ADGRL2: variants seen among roughly 807,000 people sequenced by gnomAD.
The protein encoded by ADGRL2 is adhesion G protein-coupled receptor L2.
In ADGRL2, 44 loss-of-function variants were observed where a neutral mutation model predicts 157.4. The observed-to-expected ratio is 0.28, with a 90% CI of 0.22 to 0.36. The LOEUF is 0.36. Among genes scored for constraint, ADGRL2 ranks in the 10% least tolerant of loss-of-function variants. The pLI is 1.00. For synonymous variants in ADGRL2, 585 were observed against 624.7 expected, an observed-to-expected ratio of 0.94 and a Z score of 0.95; for missense variants, 1,510 against 1,768.9, an observed-to-expected ratio of 0.85 and a Z score of 2.63.
At chr1:81,543,883 T>G (rs375569786) in intron 2 of ADGRL2, among the ~76,000 whole-genome samples, 97 of 152,314 alleles carry the variant, frequency 6.4e-4, no homozygotes, top group African/African-American at 2.0e-3. Context: ...ATACGTCTGT[T>G]GAAAGTTTCT....
At chr1:81,578,904 A>G (rs2080850175) in intron 2 of ADGRL2, among the ~76,000 whole-genome samples, 1 of 152,144 alleles carries the variant, frequency 6.6e-6, no homozygotes, top group Non-Finnish European at 1.5e-5. Flanking sequence ...ACTTGAAGAG[A>G]GATGTTTTAG....
chr1:81,355,133 TGGTTG>T (rs1663184744), intron 1 of ADGRL2, among the ~76,000 whole-genome samples: 1 of 152,148 alleles, frequency 6.6e-6, no homozygotes, highest in Non-Finnish European at 1.5e-5. Context: ...AAGTTATATT[TGGTTG>T]AAACTTGGCA....
chr1:81,504,740 C>T (rs1169702720), intron 2 of ADGRL2, among the ~76,000 whole-genome samples: 3 of 152,254 alleles, frequency 2.0e-5, no homozygotes, highest in African/African-American at 4.8e-5. Context: ...TTTTCTGCCA[C>T]ACCCCCACCC....
At chr1:81,335,842 A>AC (rs960583382) in intron 1 of ADGRL2, among the ~76,000 whole-genome samples, 2 of 151,988 alleles carry the variant, frequency 1.3e-5, no homozygotes, top group African/African-American at 4.8e-5. Flanking sequence ...TTTAAAAAAA[A>AC]AAAAAACAAA....
chr1:81,574,580 A>C (rs2080759719), intron 2 of ADGRL2, among the ~76,000 whole-genome samples: 1 of 152,136 alleles, frequency 6.6e-6, no homozygotes, highest in Non-Finnish European at 1.5e-5. Context: ...AAGGGCATTC[A>C]GCTGCTGAGT....
At chr1:81,530,907 A>C (rs1215709978) in intron 2 of ADGRL2, among the ~76,000 whole-genome samples, 4 of 151,634 alleles carry the variant, frequency 2.6e-5, no homozygotes, top group Non-Finnish European at 5.9e-5. Flanking sequence ...ATATGGTGAA[A>C]CTCCATCTCT....
chr1:81,463,699 C>G (rs2077989941), intron 2 of ADGRL2, among the ~76,000 whole-genome samples: 1 of 152,116 alleles, frequency 6.6e-6, no homozygotes, highest in Non-Finnish European at 1.5e-5. Flanking sequence ...AGCAAATGAA[C>G]CAGACTCGCA....
intron 3 of ADGRL2, among the ~76,000 whole-genome samples, chr1:81,615,627 A>T (rs2081628781): frequency 6.6e-6 from 1 of 152,188 alleles, no homozygotes; most frequent in Non-Finnish European, 1.5e-5. Flanking sequence ...AGTCAGCGAG[A>T]CCAAGAACCC....
chr1:81,594,075 T>C (rs1326618647), intron 3 of ADGRL2, among the ~76,000 whole-genome samples: 1 of 152,220 alleles, frequency 6.6e-6, no homozygotes, highest in East Asian at 1.9e-4. Flanking sequence ...AAGCTTCCAA[T>C]TTTTAGATTT....
intron 1 of ADGRL2, among the ~76,000 whole-genome samples, chr1:81,350,638 C>T (rs904718799): frequency 6.6e-6 from 1 of 152,184 alleles, no homozygotes; most frequent in Non-Finnish European, 1.5e-5. Context: ...GAAACATAGT[C>T]TACCAACGTA....
intron 1 of ADGRL2, among the ~76,000 whole-genome samples, chr1:81,402,436 A>C (rs2076773555): frequency 6.6e-6 from 1 of 152,110 alleles, no homozygotes; most frequent in African/African-American, 2.4e-5. Context: ...GATGCACACC[A>C]AGAGAATCCA....
intron 1 of ADGRL2, among the ~76,000 whole-genome samples, chr1:81,368,931 C>A (rs187072330): frequency 1.3e-5 from 2 of 152,238 alleles, no homozygotes; most frequent in Admixed American, 6.5e-5. Flanking sequence ...TCCTCTATAA[C>A]CATAAAATAT....
chr1:81,613,960 A>G (rs1289619043), intron 3 of ADGRL2, among the ~76,000 whole-genome samples: 1 of 152,110 alleles, frequency 6.6e-6, no homozygotes, highest in Non-Finnish European at 1.5e-5. Context: ...CCACCTGTCA[A>G]TTTAGTATAA....
At chr1:81,927,140 C>T (rs1195638207) in intron 3 of ADGRL2, among the ~76,000 whole-genome samples, 1 of 151,744 alleles carries the variant, frequency 6.6e-6, no homozygotes, top group African/African-American at 2.4e-5. Flanking sequence ...AGATGTTATT[C>T]TGTTTTCATT....
At chr1:81,990,094 G>A (rs1664274833) in intron 23 of ADGRL2, 1 of 985,232 alleles carries the variant, frequency 1.0e-6, no homozygotes, top group African/African-American at 1.7e-5. Context: ...TCTTCTTTGT[G>A]TCAGAGATTT....
At chr1:81,383,778 C>A (rs1205296794) in intron 1 of ADGRL2, among the ~76,000 whole-genome samples, 3 of 134,380 alleles carry the variant, frequency 2.2e-5, no homozygotes, top group South Asian at 4.8e-4. Flanking sequence ...TCCTGGCTAA[C>A]ACGGTGAACT....
chr1:81,614,025 A>G (rs12141847), intron 3 of ADGRL2, among the ~76,000 whole-genome samples: 14,005 of 152,230 alleles, frequency 0.092, 832 homozygotes, highest in Middle Eastern at 0.14. Context: ...AATGCGCTAA[A>G]TAAAACCAGA....
chr1:81,579,800 TA>T (rs929344112), intron 2 of ADGRL2, among the ~76,000 whole-genome samples: 107 of 151,858 alleles, frequency 7.0e-4, no homozygotes, highest in African/African-American at 2.1e-3. Context: ...TTAAGATCTT[TA>T]AAAAAAAGTA....
intron 1 of ADGRL2, among the ~76,000 whole-genome samples, chr1:81,422,508 G>A (rs2077144178): frequency 6.6e-6 from 1 of 152,242 alleles, no homozygotes; most frequent in South Asian, 2.1e-4. Context: ...GCCTCCCAAA[G>A]TGCTGGGATC....
Sources: allele counts gnomAD v4.1 joint callset (sites outside exome capture counted in the v4.1 genomes callset), GRCh38; gene constraint gnomAD v4.1.1; transcripts MANE v1.5; gene names NCBI Gene and HGNC (gene_info 2026-07-23, HGNC 2026-07-21).